Variants in CASZ1 observed in about 807,000 individuals in gnomAD.
CASZ1 encodes the protein castor zinc finger 1.
Under a neutral mutation model 135.2 loss-of-function variants are expected in CASZ1, and 28 were observed. That is an observed-to-expected ratio of 0.21 (90% CI 0.15 to 0.28). CASZ1 has a LOEUF of 0.28. CASZ1 is among the 10% of genes least tolerant of loss of function. The pLI is 1.00. For synonymous variants in CASZ1, 1,068 were observed against 1,073.4 expected, an observed-to-expected ratio of 0.99 and a Z score of 0.10; for missense variants, 2,161 against 2,453.3, an observed-to-expected ratio of 0.88 and a Z score of 2.52.
At chr1:10,733,228 C>T (rs758552147) in intron 2 of CASZ1, among the ~76,000 whole-genome samples, 25 of 152,218 alleles carry the variant, frequency 1.6e-4, no homozygotes, top group South Asian at 6.2e-4. Flanking sequence ...TTTCATTTCA[C>T]ACCCAGAGTC....
intron 13 of CASZ1, 65 bp from the exon 14 acceptor site, chr1:10,649,502 G>C (rs996095805): frequency 1.3e-6 from 2 of 1,521,094 alleles, no homozygotes; most frequent in African/African-American, 1.4e-5. Flanking sequence ...GCAGCCTGGG[G>C]AGCAACAGCC....
At chr1:10,796,075 T>G (rs1286348034) in intron 1 of CASZ1, among the ~76,000 whole-genome samples, 4 of 149,884 alleles carry the variant, frequency 2.7e-5, no homozygotes, top group East Asian at 2.0e-4. Context: ...GGGGTGGGGG[T>G]TTAAGGGGAA....
intron 5 of CASZ1, among the ~76,000 whole-genome samples, chr1:10,662,354 A>G (rs960634914): frequency 2.0e-5 from 3 of 151,582 alleles, no homozygotes; most frequent in African/African-American, 7.3e-5. Flanking sequence ...AATCACATAC[A>G]ACACACATGT....
chr1:10,725,082 G>T lies in CASZ1; in HGVS notation c.-76-19538C>A, dbSNP rs1326734816. Among the ~76,000 whole-genome samples, 1 of 152,260 alleles carries T rather than the reference G, an allele frequency of 6.6e-6. No homozygotes were observed. The highest frequency in any genetic ancestry group is 1.5e-5 in the Non-Finnish European group (1 of 68,036). On this transcript the variant is annotated intron_variant, in intron 2 of 20. Coordinates refer to ENST00000377022, the MANE Select transcript of CASZ1 (RefSeq NM_001079843.3). The surrounding 1 kb of genome is among the most constrained non-coding windows in gnomAD (Gnocchi z 4.4). Reference sequence around the variant, plus strand: ...AGCCCTCGCAGACGTGCAGGTGGCTGTTCTTCCCTGGAGGGAGGGGGCTTG... The same window carrying T: ...AGCCCTCGCAGACGTGCAGGTGGCTTTTCTTCCCTGGAGGGAGGGGGCTTG...
chr1:10,712,548 T>C (rs185021003), intron 2 of CASZ1, among the ~76,000 whole-genome samples: 1 of 150,078 alleles, frequency 6.7e-6, no homozygotes, highest in Non-Finnish European at 1.5e-5. Context: ...GCCAGGGGGG[T>C]GGGTAGGTGA....
intron 2 of CASZ1, among the ~76,000 whole-genome samples, chr1:10,754,564 C>G (rs1450639058): frequency 6.6e-6 from 1 of 152,190 alleles, no homozygotes; most frequent in Non-Finnish European, 1.5e-5. Flanking sequence ...AGTCCTGCCC[C>G]CTAAACCAGG....
chr1:10,696,375 A>C (rs1039417325), intron 3 of CASZ1, among the ~76,000 whole-genome samples: 5 of 152,212 alleles, frequency 3.3e-5, no homozygotes, highest in Admixed American at 3.3e-4. Flanking sequence ...CCTGGCCCCA[A>C]AACCCTGAAT....
At position 10,650,704 on chromosome 1, in the gene CASZ1, C is replaced by T. The variant is rs1368629603; in HGVS notation, c.2868G>A (p.Ser956=). 5 of 1,613,798 alleles carry T rather than the reference C, an allele frequency of 3.1e-6. No homozygotes were observed. Among genetic ancestry groups the T allele is most frequent in the Middle Eastern group, 1.7e-4 (1 of 6,060 alleles). The change falls in exon 13 of 21, where the codon TCG becomes TCA. Residue 956 remains serine, a synonymous_variant. Coordinates refer to ENST00000377022, the MANE Select transcript of CASZ1 (RefSeq NM_001079843.3). ...AVPANSSLLS[S]LMNKMSQGNP... ...GGATGGCTCTTACCTTATTCATAAGCGAGGATAAAAGAGATGAATTTGCCG... is the reference window on the plus strand; with the variant it reads ...GGATGGCTCTTACCTTATTCATAAGTGAGGATAAAAGAGATGAATTTGCCG...
chr1:10,644,284 G>C (rs1031723076), intron 18 of CASZ1, among the ~76,000 whole-genome samples: 1 of 152,154 alleles, frequency 6.6e-6, no homozygotes, highest in Non-Finnish European at 1.5e-5. Flanking sequence ...CCAGCAGCAC[G>C]GCTACCTCTC....
intron 18 of CASZ1, among the ~76,000 whole-genome samples, 175 bp downstream of exon 18, chr1:10,644,742 G>T (rs1245509972): frequency 6.6e-6 from 1 of 152,226 alleles, no homozygotes; most frequent in African/African-American, 2.4e-5. Context: ...TGTGGGTTTG[G>T]ACTGTTTCAC....
chr1:10,675,228 G>A lies in CASZ1; in HGVS notation c.17-9657C>T, dbSNP rs149289537. Among the ~76,000 whole-genome samples, 10 of 152,326 alleles carry A rather than the reference G, an allele frequency of 6.6e-5. No individual in the cohort carries two copies. In the East Asian group the frequency reaches 1.3e-3, roughly 21 times the overall value. ...AAAATAAAGGGATGTTTGGGGAGTC[G>A]TAGCGCACACAGGGTTTTTGGCAGT... is the stretch of plus-strand genomic sequence containing the variant. On this transcript the variant is annotated intron_variant, in intron 4 of 20. Coordinates refer to ENST00000377022, the MANE Select transcript of CASZ1 (RefSeq NM_001079843.3).
At position 10,679,517 on chromosome 1, in the gene CASZ1, C is replaced by A. The variant is rs1638344849; in HGVS notation, c.17-13946G>T. On this transcript the variant is annotated intron_variant, in intron 4 of 20. Transcript: ENST00000377022. The surrounding 1 kb of genome is among the most constrained non-coding windows in gnomAD (Gnocchi z 4.7). ...CAAGCAATGTAGCAGCCCCCACATACTCTGGCATTCTCCTAGGGCCCCCCG... is the reference window on the plus strand; with the variant it reads ...CAAGCAATGTAGCAGCCCCCACATAATCTGGCATTCTCCTAGGGCCCCCCG... Among the ~76,000 whole-genome samples, 1 of 152,148 alleles carries A rather than the reference C, an allele frequency of 6.6e-6. No individual in the cohort carries two copies. Among genetic ancestry groups the A allele is most frequent in the South Asian group, 2.1e-4 (1 of 4,816 alleles).
chr1:10,653,751 T>C lies in CASZ1; in HGVS notation c.2306A>G (p.Asn769Ser). 6.2e-7 allele frequency: 1 copy of C among 1,609,556 alleles called. No individual in the cohort carries two copies. Among genetic ancestry groups the C allele is most frequent in the Non-Finnish European group, 8.5e-7 (1 of 1,177,820 alleles). ...EAGPSATKPPNSKISGLLPQG... is the reference protein window; with the variant it reads ...EAGPSATKPPSSKISGLLPQG... ...GGGCAGCAGCCCCGAGATCTTGCTG[T>C]TGGGAGGTTTGGTGGCACTGGGCCC... The change falls in exon 11 of 21, where the codon AAC becomes AGC. Residue 769 changes from asparagine (N) to serine (S), a missense_variant. Asn to Ser is a conservative substitution (Grantham distance 46). Transcript: ENST00000377022.
In CASZ1 at chr1:10,679,806, C is replaced by A. The variant is rs17035549; in HGVS notation, c.16+14068G>T. ...ACCTGGGCTCCAGCTGATTAAGGAT[C>A]TGCAACAGGATGTAGGGATTACAGT... On this transcript the variant is annotated intron_variant, in intron 4 of 20. Transcript: ENST00000377022. This position sits in a 1 kb window ranked among gnomAD's most constrained non-coding sequence, Gnocchi z 4.7. Among the ~76,000 whole-genome samples, 7,351 of 152,354 alleles carry A rather than the reference C, an allele frequency of 0.048. 230 individuals are homozygous for A. The highest frequency in any genetic ancestry group is 0.12 in the Middle Eastern group (35 of 294).
rs1354211372 is a variant in CASZ1 at position 10,707,798 on chromosome 1, T to C, written c.-76-2254A>G. ...CTGTCCCCACTGTCTGCTTTGTGAG[T>C]GGCCCATATGAGTGAGTGGCCAGCA... On this transcript the variant is annotated intron_variant, in intron 2 of 20. Coordinates refer to ENST00000377022, the MANE Select transcript of CASZ1 (RefSeq NM_001079843.3). This position sits in a 1 kb window ranked among gnomAD's most constrained non-coding sequence, Gnocchi z 5.0. Among the ~76,000 whole-genome samples, 3 of 152,148 alleles carry C rather than the reference T, an allele frequency of 2.0e-5. No individual in the cohort carries two copies. The highest frequency in any genetic ancestry group is 6.5e-5 in the Admixed American group (1 of 15,270).
At chr1:10,732,439 T>C (rs1639718411) in intron 2 of CASZ1, among the ~76,000 whole-genome samples, 1 of 152,026 alleles carries the variant, frequency 6.6e-6, no homozygotes, top group South Asian at 2.1e-4. Flanking sequence ...TGAGAACCAC[T>C]GTCTTGGGGA....
At chr1:10,669,760 A>G (rs1332625796) in intron 4 of CASZ1, among the ~76,000 whole-genome samples, 1 of 145,286 alleles carries the variant, frequency 6.9e-6, no homozygotes, top group African/African-American at 2.5e-5. Context: ...TCCTGCCTCA[A>G]CGGTGGGTGG....
chr1:10,739,881 T>C lies in CASZ1; in HGVS notation c.-77+20820A>G, dbSNP rs1639879795. 6.6e-6 allele frequency among the ~76,000 whole-genome samples: 1 copy of C among 152,070 alleles called. No homozygotes were observed. Among genetic ancestry groups the C allele is most frequent in the Admixed American group, 6.5e-5 (1 of 15,272 alleles). On this transcript the variant is annotated intron_variant, in intron 2 of 20. Coordinates refer to ENST00000377022, the MANE Select transcript of CASZ1 (RefSeq NM_001079843.3). The surrounding 1 kb of genome is among the most constrained non-coding windows in gnomAD (Gnocchi z 4.8). ...CCTGGGAAGCCGCAAGGTGCTGGGA[T>C]CCCAGACGAGTCCCTCCTGAAAGGG...
chr1:10,756,268 C>G lies in CASZ1; in HGVS notation c.-77+4433G>C, dbSNP rs1030460248. Among the ~76,000 whole-genome samples the G allele has an allele frequency of 6.6e-6, 1 of 152,054 alleles. No individual in the cohort carries two copies. Among genetic ancestry groups the G allele is most frequent in the African/African-American group, 2.4e-5 (1 of 41,410 alleles). On this transcript the variant is annotated intron_variant, in intron 2 of 20. Transcript: ENST00000377022. The surrounding 1 kb of genome is among the most constrained non-coding windows in gnomAD (Gnocchi z 5.9). ...CTTACAGGGCCAGGCTGCTGTGCCA[C>G]ACATTGCTTCCCACTTGGGACATCC... is the stretch of plus-strand genomic sequence containing the variant.
Sources: gnomAD v4.1 joint callset for allele counts (sites outside exome capture counted in the v4.1 genomes callset) on GRCh38, gnomAD v4.1.1 for gene constraint, Gnocchi (gnomAD v3.1) non-coding constraint, MANE v1.5 for transcripts, NCBI Gene and HGNC (gene_info 2026-07-23, HGNC 2026-07-21) for gene names.